Variants in OBI1 observed in about 807,000 individuals in gnomAD.
OBI1 encodes ring finger protein 219.
A neutral mutation model predicts 62.4 loss-of-function variants in OBI1; 59 were observed. The observed-to-expected ratio is 0.95, with a 90% CI of 0.77 to 1.17. The LOEUF (loss-of-function observed/expected upper bound fraction) is 1.17, where lower values mean the gene tolerates loss of function less well. OBI1 is among the 50% of genes most tolerant of loss of function. The pLI, the probability that OBI1 is intolerant of heterozygous loss-of-function variation, is 0.00. For missense variants in OBI1, 875 were observed against 830.9 expected, an observed-to-expected ratio of 1.05 and a Z score of -0.65; for synonymous variants, 302 against 292.8, an observed-to-expected ratio of 1.03 and a Z score of -0.32.
chr13:78,635,346 C>T (rs1368691372), intron 4 of OBI1, 148 bp from the exon 5 acceptor site: 1 of 602,538 alleles, frequency 1.7e-6, no homozygotes. Context: ...AAAATCACTA[C>T]TGGGAATGAC....
Position 78,618,941 on chromosome 13 carries a change from T to C in OBI1, c.639-1819A>G, listed in dbSNP as rs556726041. Among the ~76,000 whole-genome samples, 6 of 152,324 alleles carry C rather than the reference T, an allele frequency of 3.9e-5. No homozygotes were observed. In the South Asian group the frequency reaches 1.2e-3, roughly 32 times the overall value. ...TACATTAAGTACAAATGTTTGTTAG[T>C]TCTTGATTGTAACTACTCTGGCATA... On this transcript the variant is annotated intron_variant, in intron 5 of 5. Transcript: ENST00000282003.
At chr13:78,631,832 A>T (rs1228484903) in intron 5 of OBI1, among the ~76,000 whole-genome samples, 4 of 152,186 alleles carry the variant, frequency 2.6e-5, no homozygotes, top group Admixed American at 1.3e-4. Context: ...AAAAATGTCC[A>T]GGTACAGTAT....
rs1212346059 is a variant in OBI1 at position 78,615,240 on chromosome 13, TA to T, written c.*339del. 5 of 182,880 alleles carry T rather than the reference TA, an allele frequency of 2.7e-5. No individual in the cohort carries two copies. The highest frequency in any genetic ancestry group is 1.5e-4 in the South Asian group (1 of 6,782). 11.3% of individuals were successfully genotyped at this position (182,880 alleles called of 1,614,324 possible). On this transcript the variant is annotated 3_prime_UTR_variant, in exon 6 of 6. Transcript: ENST00000282003. ...TATCTAACAGTTAAATAACATTTTT[TA>T]AAAAAACAATGTATATCCAACCGAG...
At chr13:78,629,088 T>C (rs1273978593) in intron 5 of OBI1, among the ~76,000 whole-genome samples, 1 of 152,154 alleles carries the variant, frequency 6.6e-6, no homozygotes, top group Non-Finnish European at 1.5e-5. Flanking sequence ...TCAGAACACT[T>C]CTTTTCATAT....
chr13:78,656,930 C>T (rs923734962), intron 1 of OBI1, among the ~76,000 whole-genome samples: 12 of 151,266 alleles, frequency 7.9e-5, no homozygotes, highest in African/African-American at 7.3e-5. Flanking sequence ...GGATTACAGG[C>T]GCCTGCCACC....
chr13:78,649,458 G>A (rs936308017), intron 1 of OBI1, among the ~76,000 whole-genome samples: 1 of 152,238 alleles, frequency 6.6e-6, no homozygotes, highest in Non-Finnish European at 1.5e-5. Context: ...CTGCTTGGAA[G>A]TCACTCTGAT....
intron 1 of OBI1, among the ~76,000 whole-genome samples, chr13:78,656,792 ATTTTTTTT>A (rs869148028): frequency 3.0e-5 from 2 of 67,196 alleles, no homozygotes; most frequent in Non-Finnish European, 5.5e-5. Flanking sequence ...TTTATTTTTA[ATTTTTTTT>A]TTTTTTTTTT....
At chr13:78,636,223 C>G (rs2251730) in intron 4 of OBI1, among the ~76,000 whole-genome samples, 6,018 of 152,260 alleles carry the variant, frequency 0.04, 345 homozygotes, top group African/African-American at 0.13. Context: ...TCTGGACACA[C>G]TGAAAACTAG....
intron 5 of OBI1, among the ~76,000 whole-genome samples, chr13:78,621,875 G>A (rs1159832212): frequency 6.6e-6 from 1 of 152,146 alleles, no homozygotes; most frequent in East Asian, 1.9e-4. Flanking sequence ...TTAGGAGTGT[G>A]AAAATTCATC....
chr13:78,641,701 T>C (rs1876220683), intron 3 of OBI1, among the ~76,000 whole-genome samples: 1 of 152,114 alleles, frequency 6.6e-6, no homozygotes, highest in Non-Finnish European at 1.5e-5. Context: ...TAATCATCAG[T>C]AACTTCATAG....
intron 1 of OBI1, among the ~76,000 whole-genome samples, chr13:78,653,205 A>T (rs1407402880): frequency 6.6e-6 from 1 of 152,198 alleles, no homozygotes; most frequent in East Asian, 1.9e-4. Context: ...AACATTTTGG[A>T]CTGAAGAAAG....
Position 78,615,435 on chromosome 13 carries a change from C to G in OBI1, c.*145G>C. On this transcript the variant is annotated 3_prime_UTR_variant, in exon 6 of 6. Transcript: ENST00000282003. ...AAATGAACAATAAGTATTCTGGGTA[C>G]AGGTTAATCCACCATCCTGACTTGA... 1 of 565,030 alleles carries G rather than the reference C, an allele frequency of 1.8e-6. No homozygotes were observed. 35.0% of individuals were successfully genotyped at this position (565,030 alleles called of 1,614,324 possible). A position where few individuals can be genotyped will look rare whatever the true frequency, so the allele number is the denominator to read the frequency against.
Position 78,616,517 on chromosome 13 carries a change from C to T in OBI1, c.1244G>A (p.Gly415Asp), listed in dbSNP as rs755639087. 6.2e-7 allele frequency: 1 copy of T among 1,614,110 alleles called. No homozygotes were observed. The highest frequency in any genetic ancestry group is 8.5e-7 in the Non-Finnish European group (1 of 1,180,016). The change falls in exon 6 of 6, where the codon GGT becomes GAT. Residue 415 changes from glycine (G) to aspartate (D), a missense_variant. By Grantham distance (94) the Gly-to-Asp change is moderately conservative. Coordinates refer to ENST00000282003, the MANE Select transcript of OBI1 (RefSeq NM_024546.4). ...NRESSVVQAG[G>D]SKKHSNHLRK... ...GAGATGGTTTGAGTGCTTTTTGGAACCTCCTGCTTGGACCACAGAGCTCTC... is the reference window on the plus strand; with the variant it reads ...GAGATGGTTTGAGTGCTTTTTGGAATCTCCTGCTTGGACCACAGAGCTCTC...
In OBI1 at chr13:78,648,808, G is replaced by A. The variant is rs536346126; in HGVS notation, c.73-3811C>T. On this transcript the variant is annotated intron_variant, in intron 1 of 5. Transcript: ENST00000282003. ...TGTGCCTGTAATCCCAGCTACTTGG[G>A]AGGCTGAGGCAGGAGAATCACTTGA... Among the ~76,000 whole-genome samples, 26 of 152,086 alleles carry A rather than the reference G, an allele frequency of 1.7e-4. No individual in the cohort carries two copies. The East Asian group carries it at 4.4e-3, about 26-fold the overall frequency.
intron 1 of OBI1, among the ~76,000 whole-genome samples, chr13:78,646,808 G>T (rs946096316): frequency 6.6e-6 from 1 of 152,132 alleles, no homozygotes; most frequent in South Asian, 2.1e-4. Context: ...TGACTGTAGG[G>T]AAAAGAAAGA....
chr13:78,644,325 A>G (rs528128480), intron 2 of OBI1, among the ~76,000 whole-genome samples: 1 of 152,352 alleles, frequency 6.6e-6, no homozygotes, highest in East Asian at 1.9e-4. Flanking sequence ...TCTCTGCACT[A>G]AAGTCTCAAT....
intron 1 of OBI1, among the ~76,000 whole-genome samples, chr13:78,651,345 C>T (rs1593801805): frequency 1.3e-5 from 2 of 152,206 alleles, no homozygotes; most frequent in African/African-American, 4.8e-5. Flanking sequence ...GCTTTCACTC[C>T]TCTCCTACAA....
rs938060930 is a variant in OBI1 at position 78,616,803 on chromosome 13, G to T, written c.958C>A (p.Leu320Met). The T allele has an allele frequency of 2.5e-6, 4 of 1,614,188 alleles. No homozygotes were observed. The highest frequency in any genetic ancestry group is 1.7e-5 in the Admixed American group (1 of 60,020). ...SHLAKPSSSRLCDTSSARQES... is the reference protein window; with the variant it reads ...SHLAKPSSSRMCDTSSARQES... ...TGCCTTGCAGAACTGGTGTCACACAGTCTGCTGCTGGAAGGCTTCGCTAGG... is the reference window on the plus strand; with the variant it reads ...TGCCTTGCAGAACTGGTGTCACACATTCTGCTGCTGGAAGGCTTCGCTAGG... The change falls in exon 6 of 6, where the codon CTG becomes ATG. Residue 320 changes from leucine (L) to methionine (M), a missense_variant. Leu to Met is a conservative substitution (Grantham distance 15, BLOSUM62 2). Coordinates refer to ENST00000282003, the MANE Select transcript of OBI1 (RefSeq NM_024546.4).
chr13:78,630,976 A>T (rs1875830763), intron 5 of OBI1, among the ~76,000 whole-genome samples: 1 of 152,148 alleles, frequency 6.6e-6, no homozygotes, highest in South Asian at 2.1e-4. Flanking sequence ...ATCTTTCAAC[A>T]GTTTGTTACT....
Sources: gnomAD v4.1 joint callset for allele counts (sites outside exome capture counted in the v4.1 genomes callset) on GRCh38, gnomAD v4.1.1 for gene constraint, MANE v1.5 for transcripts, NCBI Gene and HGNC (gene_info 2026-07-23, HGNC 2026-07-21) for gene names.